Variants in PDZRN4 observed in about 807,000 individuals in gnomAD.
PDZRN4 encodes the protein PDZ domain containing ring finger 4, also known as PDZ domain-containing RING finger protein 4.
A neutral mutation model predicts 99.0 loss-of-function variants in PDZRN4; 70 were observed. That is an observed-to-expected ratio of 0.71 (90% confidence interval 0.58 to 0.86). The LOEUF (loss-of-function observed/expected upper bound fraction) is 0.86, where lower values mean the gene tolerates loss of function less well. PDZRN4 is among the 40% of genes least tolerant of loss of function. The probability of loss-of-function intolerance (pLI) is 0.00; values close to 1 mark genes in which losing one functional copy is unlikely to be tolerated. For missense variants in PDZRN4, 1,474 were observed against 1,331.2 expected (o/e 1.11, Z -1.67); for synonymous variants, 551 against 501.6 (o/e 1.10, Z -1.32).
At chr12:41,313,687 C>T (rs1296278510) in intron 3 of PDZRN4, among the ~76,000 whole-genome samples, 1 of 152,220 alleles carries the variant, frequency 6.6e-6, no homozygotes, top group Non-Finnish European at 1.5e-5. Flanking sequence ...ATCTGTCCAT[C>T]ACATTGCTGT....
intron 3 of PDZRN4, among the ~76,000 whole-genome samples, chr12:41,429,251 A>C (rs1952565156): frequency 6.6e-6 from 1 of 152,204 alleles, no homozygotes; most frequent in Non-Finnish European, 1.5e-5. Context: ...ACAGAGATGT[A>C]AAATGACTGC....
intron 3 of PDZRN4, among the ~76,000 whole-genome samples, chr12:41,483,821 C>T (rs548803257): frequency 2.0e-5 from 3 of 152,166 alleles, no homozygotes; most frequent in South Asian, 2.1e-4. Context: ...AATAAACAAC[C>T]AATCAAGTAG....
At chr12:41,355,617 T>G (rs2043388904) in intron 3 of PDZRN4, among the ~76,000 whole-genome samples, 1 of 152,228 alleles carries the variant, frequency 6.6e-6, no homozygotes. Context: ...CCTTTTCAAA[T>G]CTGTCAATGG....
At position 41,540,903 on chromosome 12, in the gene PDZRN4, CGTTGTTGTTGTTGTT is replaced by C. The variant is rs199757826; in HGVS notation, c.1204-11731_1204-11717del. On this transcript the variant is annotated intron_variant, in intron 5 of 9. Transcript: ENST00000402685. ...TGTTGTTGTTGTTGTCCCTTTTCTT[CGTTGTTGTTGTTGTT>C]GTTGTTGTTGTTGTTGTTGTTTCGG... 5.6e-4 allele frequency among the ~76,000 whole-genome samples: 28 copies of C among 50,300 alleles called. No homozygotes were observed. The South Asian group carries it at 0.016, about 28-fold the overall frequency. 33.0% of individuals were successfully genotyped at this position (50,300 alleles called of 152,430 possible).
chr12:41,529,770 G>C (rs74572036), intron 5 of PDZRN4, among the ~76,000 whole-genome samples: 2 of 152,076 alleles, frequency 1.3e-5, no homozygotes, highest in Non-Finnish European at 2.9e-5. Flanking sequence ...GTGTCCTCAG[G>C]GTATGTGTCA....
chr12:41,241,905 G>T (rs978217922), intron 3 of PDZRN4, among the ~76,000 whole-genome samples: 4 of 152,102 alleles, frequency 2.6e-5, no homozygotes, highest in Admixed American at 6.5e-5. Flanking sequence ...GTATAGCTTT[G>T]GTCTAAGATG....
intron 3 of PDZRN4, among the ~76,000 whole-genome samples, chr12:41,466,074 T>A (rs1952921927): frequency 6.6e-6 from 1 of 152,206 alleles, no homozygotes; most frequent in Non-Finnish European, 1.5e-5. Flanking sequence ...CATGCCAGAA[T>A]GAACCTAGCC....
At chr12:41,482,569 C>G (rs1475906953) in intron 3 of PDZRN4, among the ~76,000 whole-genome samples, 2 of 151,998 alleles carry the variant, frequency 1.3e-5, no homozygotes, top group African/African-American at 4.8e-5. Context: ...TCATAAAAGT[C>G]CTGTAAGATT....
intron 3 of PDZRN4, among the ~76,000 whole-genome samples, chr12:41,328,212 A>G (rs1307706361): frequency 6.6e-6 from 1 of 152,188 alleles, no homozygotes; most frequent in Non-Finnish European, 1.5e-5. Flanking sequence ...GACTTTATAC[A>G]AAAAGCAGAT....
At chr12:41,302,054 T>C (rs1951539860) in intron 3 of PDZRN4, among the ~76,000 whole-genome samples, 1 of 152,108 alleles carries the variant, frequency 6.6e-6, no homozygotes, top group South Asian at 2.1e-4. Context: ...GAATATTTCA[T>C]ATAACATTTG....
At chr12:41,218,968 A>G (rs1424858824) in intron 3 of PDZRN4, among the ~76,000 whole-genome samples, 4 of 152,088 alleles carry the variant, frequency 2.6e-5, no homozygotes, top group African/African-American at 9.7e-5. Context: ...TTTTACTAGG[A>G]ATATTATTGT....
chr12:41,550,578 C>T lies in PDZRN4; in HGVS notation c.1204-2078C>T, dbSNP rs79566343. Among the ~76,000 whole-genome samples, 204 of 152,204 alleles carry T rather than the reference C, an allele frequency of 1.3e-3. No homozygotes were observed. The East Asian group carries it at 0.021, about 16-fold the overall frequency. On this transcript the variant is annotated intron_variant, in intron 5 of 9. Transcript: ENST00000402685. The stretch of plus-strand genomic sequence containing the variant: ...AATCATTTCACTGTTTCCTAGTCTA[C>T]GTCTAGGAAAAAGGATGTTTCACCT...
At chr12:41,541,857 G>A (rs113686567) in intron 5 of PDZRN4, among the ~76,000 whole-genome samples, 6 of 152,200 alleles carry the variant, frequency 3.9e-5, no homozygotes, top group Non-Finnish European at 7.3e-5. Context: ...TCTGGCACCC[G>A]AAGTAGCTAT....
At chr12:41,239,409 C>A (rs1951089169) in intron 3 of PDZRN4, among the ~76,000 whole-genome samples, 1 of 152,132 alleles carries the variant, frequency 6.6e-6, no homozygotes, top group African/African-American at 2.4e-5. Flanking sequence ...GTGCAGCAAA[C>A]CACCATGGCA....
chr12:41,208,604 C>A (rs1950866188), intron 3 of PDZRN4, among the ~76,000 whole-genome samples: 1 of 151,978 alleles, frequency 6.6e-6, no homozygotes, highest in East Asian at 1.9e-4. Context: ...CAGATTAATT[C>A]CTTACACGGA....
chr12:41,548,591 C>T (rs1279986132), intron 5 of PDZRN4, among the ~76,000 whole-genome samples: 1 of 152,156 alleles, frequency 6.6e-6, no homozygotes, highest in African/African-American at 2.4e-5. Flanking sequence ...GTGCTGACTG[C>T]ATTTGAATTT....
At chr12:41,356,316 G>T (rs900589807) in intron 3 of PDZRN4, among the ~76,000 whole-genome samples, 2 of 152,004 alleles carry the variant, frequency 1.3e-5, no homozygotes, top group Admixed American at 1.3e-4. Flanking sequence ...ACAAGGGGAA[G>T]TTAAATGATT....
chr12:41,498,630 C>A (rs1196533118), intron 3 of PDZRN4, among the ~76,000 whole-genome samples: 2 of 152,060 alleles, frequency 1.3e-5, no homozygotes, highest in Admixed American at 6.6e-5. Flanking sequence ...CACCTCTGAA[C>A]GTTTTCATAT....
chr12:41,560,743 C>T (rs921125954), intron 7 of PDZRN4, among the ~76,000 whole-genome samples: 2 of 152,166 alleles, frequency 1.3e-5, no homozygotes, highest in Admixed American at 6.6e-5. Flanking sequence ...GGACCAAGAG[C>T]AACCGAAGGT....
Sources: allele counts gnomAD v4.1 joint callset (sites outside exome capture counted in the v4.1 genomes callset), GRCh38; gene constraint gnomAD v4.1.1; transcripts MANE v1.5; gene names NCBI Gene and HGNC (gene_info 2026-07-23, HGNC 2026-07-21).